The following PRSS48 variants were observed in gnomAD, a reference collection of about 807,000 sequenced individuals.
The protein encoded by PRSS48 is serine protease 48.
PRSS48 carries 21 observed loss-of-function variants against 25.6 expected under a neutral mutation model. That is an observed-to-expected ratio of 0.82 (90% CI 0.58 to 1.18). The LOEUF is 1.18. Ranked by LOEUF, PRSS48 falls within the 50% of genes most tolerant of loss-of-function variation. PRSS48 has a pLI of 0.00. For missense variants in PRSS48, 373 were observed against 399.3 expected (o/e 0.93, Z 0.56); for synonymous variants, 150 against 149.3 (o/e 1.00, Z -0.04).
chr4:151,290,709 G>C (rs943833590), intron 4 of PRSS48, among the ~76,000 whole-genome samples: 1 of 152,106 alleles, frequency 6.6e-6, no homozygotes, highest in Non-Finnish European at 1.5e-5. Flanking sequence ...AAAAGAAAGA[G>C]AACAAGACTA....
chr4:151,291,059 A>T (rs1775283472), intron 4 of PRSS48, 59 bp from the exon 5 acceptor site: 1 of 1,332,896 alleles, frequency 7.5e-7, no homozygotes, highest in African/African-American at 1.4e-5. Flanking sequence ...ACCCCTTATT[A>T]CTACTCTCTT....
intron 4 of PRSS48, 58 bp downstream of exon 4, chr4:151,283,344 G>A: frequency 7.2e-6 from 11 of 1,531,948 alleles, no homozygotes; most frequent in Non-Finnish European, 9.9e-6. Context: ...TTGGATCCAG[G>A]TTTTCCTATC....
chr4:151,280,053 A>AGGAAACCCAG, intron 2 of PRSS48, 95 bp downstream of exon 2: 1 of 1,402,190 alleles, frequency 7.1e-7, no homozygotes, highest in Non-Finnish European at 9.9e-7. Context: ...AAGTGGTAAA[A>AGGAAACCCAG]TAGGCAGGGC....
chr4:151,285,299 T>C (rs529466131), intron 4 of PRSS48, among the ~76,000 whole-genome samples: 1 of 152,310 alleles, frequency 6.6e-6, no homozygotes, highest in South Asian at 2.1e-4. Context: ...AAGAGCGGAA[T>C]ATACTTTCCT....
At chr4:151,278,048 A>ATT (rs1773819706) in intron 1 of PRSS48, among the ~76,000 whole-genome samples, 3 of 152,154 alleles carry the variant, frequency 2.0e-5, no homozygotes, top group Admixed American at 1.3e-4. Flanking sequence ...CCCCCCAAAA[A>ATT]ACAGAAAGGG....
chr4:151,282,144 A>G lies in PRSS48; in HGVS notation c.216-4A>G. On this transcript the variant is annotated splice_polypyrimidine_tract_variant and splice_region_variant and intron_variant, in intron 2 of 4. Transcript: ENST00000455694. ...TAAGCAGGCCTCCTTTCTTTTCCCC[A>G]TAGGACCTGGACTACTTTTTCATAT... The G allele has an allele frequency of 1.2e-6, 2 of 1,613,124 alleles. No individual in the cohort carries two copies. Among genetic ancestry groups the G allele is most frequent in the Non-Finnish European group, 1.7e-6 (2 of 1,179,236 alleles).
In PRSS48 at chr4:151,277,437, C is replaced by T. The variant is rs773193067; in HGVS notation, c.52+213C>T. Among the ~76,000 whole-genome samples the T allele has an allele frequency of 3.2e-4, 49 of 152,210 alleles. 1 individual carries two copies. Among genetic ancestry groups the T allele is most frequent in the Middle Eastern group, 3.4e-3 (1 of 294 alleles). ...CACACACCCACAAGATCCCTATCTT[C>T]GTGGGACTTATAATCAATGCACATA... On this transcript the variant is annotated intron_variant, in intron 1 of 4. Transcript: ENST00000455694.
chr4:151,286,707 C>CCACT (rs1016801052), intron 4 of PRSS48, among the ~76,000 whole-genome samples: 1 of 151,656 alleles, frequency 6.6e-6, no homozygotes, highest in Admixed American at 6.6e-5. Flanking sequence ...TGGCCACAGG[C>CCACT]AGTGGCTCAT....
At chr4:151,284,861 C>G (rs993326109) in intron 4 of PRSS48, among the ~76,000 whole-genome samples, 1 of 152,160 alleles carries the variant, frequency 6.6e-6, no homozygotes, top group Admixed American at 6.5e-5. Context: ...GGAGTCTAAC[C>G]TGCACATGTA....
At chr4:151,291,431 G>C in exon 5 of PRSS48, 1 of 1,611,800 alleles carries the variant, frequency 6.2e-7, no homozygotes, top group Non-Finnish European at 8.5e-7. Context: ...AATGCATGGA[G>C]ATTTAGTCCC....
intron 1 of PRSS48, 54 bp from the exon 2 acceptor site, chr4:151,279,742 C>T: frequency 6.5e-7 from 1 of 1,538,858 alleles, no homozygotes; most frequent in Non-Finnish European, 9.0e-7. Context: ...AAGGTGGGGA[C>T]CAGAGAAACA....
intron 4 of PRSS48, among the ~76,000 whole-genome samples, chr4:151,287,758 T>C (rs1334282163): frequency 6.6e-6 from 1 of 152,150 alleles, no homozygotes; most frequent in African/African-American, 2.4e-5. Flanking sequence ...TAGCCACCTG[T>C]AGTCTCAGCT....
exon 5 of PRSS48, chr4:151,291,433 T>C (rs773686700): frequency 1.5e-5 from 24 of 1,611,560 alleles, no homozygotes; most frequent in Non-Finnish European, 2.0e-5. Flanking sequence ...TGCATGGAGA[T>C]TTAGTCCCAG....
intron 4 of PRSS48, among the ~76,000 whole-genome samples, chr4:151,290,784 A>G (rs567150617): frequency 6.6e-6 from 1 of 152,360 alleles, no homozygotes; most frequent in South Asian, 2.1e-4. Flanking sequence ...ACACTAAACA[A>G]GAGCAGTAAG....
chr4:151,287,659 C>T (rs1774942642), intron 4 of PRSS48, among the ~76,000 whole-genome samples: 1 of 152,124 alleles, frequency 6.6e-6, no homozygotes, highest in Non-Finnish European at 1.5e-5. Context: ...CTTTGAGAGG[C>T]CAAGACGGGA....
At chr4:151,278,443 C>T (rs1183962837) in intron 1 of PRSS48, among the ~76,000 whole-genome samples, 1 of 149,458 alleles carries the variant, frequency 6.7e-6, no homozygotes, top group Non-Finnish European at 1.5e-5. Context: ...GTGTTTGTGG[C>T]CCAAAAGAAG....
chr4:151,290,709 G>A (rs943833590), intron 4 of PRSS48, among the ~76,000 whole-genome samples: 1 of 152,106 alleles, frequency 6.6e-6, no homozygotes, highest in African/African-American at 2.4e-5. Flanking sequence ...AAAAGAAAGA[G>A]AACAAGACTA....
chr4:151,286,523 A>G (rs1427898366), intron 4 of PRSS48, among the ~76,000 whole-genome samples: 1 of 151,650 alleles, frequency 6.6e-6, no homozygotes, highest in East Asian at 1.9e-4. Flanking sequence ...GAAACACACA[A>G]ACTACCATAA....
Position 151,282,178 on chromosome 4 carries a change from G to A in PRSS48, c.246G>A (p.Trp82Ter), listed in dbSNP as rs754772564. The A allele has an allele frequency of 7.4e-6, 12 of 1,613,882 alleles. No individual in the cohort carries two copies. The highest frequency in any genetic ancestry group is 2.2e-5 in the East Asian group (1 of 44,878). ...GGACTACTTTTTCATATACTGTGTG[G>A]CTAGGATCGATTACAGTAGGTGACT... Residue 82 changes from tryptophan to a stop codon, truncating the protein, a stop_gained, in exon 3 of 5, where the codon TGG (tryptophan) becomes TGA (stop). Coordinates refer to ENST00000455694, the Ensembl canonical transcript of PRSS48. LOFTEE classifies it high-confidence loss of function.
Sources: gnomAD v4.1 joint callset for allele counts (sites outside exome capture counted in the v4.1 genomes callset) on GRCh38, gnomAD v4.1.1 for gene constraint, MANE v1.5 for transcripts, NCBI Gene and HGNC (gene_info 2026-07-23, HGNC 2026-07-21) for gene names.